Variants in TMEM232 observed in about 807,000 individuals in gnomAD.
TMEM232 encodes the protein transmembrane protein 232.
TMEM232 carries 80 observed loss-of-function variants against 78.8 expected under a neutral mutation model. The observed-to-expected ratio is 1.01, with a 90% CI of 0.85 to 1.22. The LOEUF is 1.22. Among genes scored for constraint, TMEM232 ranks in the 50% most tolerant of loss-of-function variants. The pLI, the probability that TMEM232 is intolerant of heterozygous loss-of-function variation, is 0.00. For synonymous variants in TMEM232, 297 were observed against 254.3 expected (o/e 1.17, Z -1.60); for missense variants, 881 against 742.2 (o/e 1.19, Z -2.17).
At chr5:110,645,189 A>G (rs572924032) in intron 2 of TMEM232, among the ~76,000 whole-genome samples, 8 of 151,848 alleles carry the variant, frequency 5.3e-5, no homozygotes, top group African/African-American at 1.4e-4. Context: ...AACTCTTGCA[A>G]AAAATACAAG....
At chr5:110,641,950 C>T (rs1268206312) in intron 3 of TMEM232, among the ~76,000 whole-genome samples, 1 of 152,020 alleles carries the variant, frequency 6.6e-6, no homozygotes, top group Non-Finnish European at 1.5e-5. Context: ...CCTTTTTCTC[C>T]TTTGAGACAC....
chr5:110,513,175 C>T (rs1768045430), intron 12 of TMEM232, among the ~76,000 whole-genome samples: 1 of 152,148 alleles, frequency 6.6e-6, no homozygotes, highest in Non-Finnish European at 1.5e-5. Flanking sequence ...TGCAGATAAA[C>T]TGAGTTATAT....
intron 2 of TMEM232, among the ~76,000 whole-genome samples, chr5:110,646,123 T>C (rs1183263247): frequency 6.6e-6 from 1 of 151,762 alleles, no homozygotes; most frequent in Non-Finnish European, 1.5e-5. Flanking sequence ...CCTGTGTTCA[T>C]GGATTGGAAA....
intron 12 of TMEM232, among the ~76,000 whole-genome samples, chr5:110,428,564 T>A (rs1393476402): frequency 6.6e-6 from 1 of 151,572 alleles, no homozygotes; most frequent in Non-Finnish European, 1.5e-5. Context: ...CAAATTGACC[T>A]AATCACATGA....
chr5:110,714,332 C>T (rs1245900758), intron 1 of TMEM232, among the ~76,000 whole-genome samples: 3 of 152,188 alleles, frequency 2.0e-5, no homozygotes, highest in South Asian at 2.1e-4. Context: ...GTGGTAACTA[C>T]ATATTTGCTT....
At chr5:110,638,085 A>T in intron 5 of TMEM232, 113 bp downstream of exon 5, 1 of 832,856 alleles carries the variant, frequency 1.2e-6, no homozygotes, top group Non-Finnish European at 1.7e-6. Flanking sequence ...ACCAAACAAA[A>T]GAATATTCTA....
At position 110,403,825 on chromosome 5, in the gene TMEM232, T is replaced by C. The variant is rs188584804; in HGVS notation, n.309-5971A>G. Among the ~76,000 whole-genome samples the C allele has an allele frequency of 3.4e-4, 52 of 151,882 alleles. No individual in the cohort carries two copies. The South Asian group carries it at 3.5e-3, about 10-fold the overall frequency. On this transcript the variant is annotated intron_variant and non_coding_transcript_variant, in intron 2 of 8. Transcript: ENST00000507188. ...ACCTGTAAATTGATTTTCAGTTGTG[T>C]GTGGGGTGGGGTGGGGAGCAATGTG...
intron 12 of TMEM232, among the ~76,000 whole-genome samples, chr5:110,444,893 T>C (rs1439122863): frequency 6.6e-6 from 1 of 152,132 alleles, no homozygotes; most frequent in East Asian, 1.9e-4. Flanking sequence ...CATTTTGTTA[T>C]CTTCTTTTTC....
At chr5:110,565,465 T>C (rs1776235694) in intron 11 of TMEM232, among the ~76,000 whole-genome samples, 1 of 151,960 alleles carries the variant, frequency 6.6e-6, no homozygotes, top group South Asian at 2.1e-4. Context: ...ATCACTCAGC[T>C]TTCCTGTCTC....
chr5:110,738,879 C>T, upstream of TMEM232: 1 of 979,132 alleles, frequency 1.0e-6, no homozygotes, highest in Non-Finnish European at 1.4e-6. Context: ...TCCCTAACGA[C>T]AACAAACTTT....
chr5:110,624,604 A>T (rs1394103319), intron 7 of TMEM232, among the ~76,000 whole-genome samples: 1 of 152,116 alleles, frequency 6.6e-6, no homozygotes, highest in Non-Finnish European at 1.5e-5. Flanking sequence ...GCTCATTAGT[A>T]ATTATAACCA....
intron 10 of TMEM232, among the ~76,000 whole-genome samples, chr5:110,571,804 G>C (rs924810965): frequency 4.6e-5 from 7 of 151,876 alleles, no homozygotes; most frequent in Admixed American, 4.6e-4. Flanking sequence ...GCTACAGTGA[G>C]CTATGGTTAA....
intron 11 of TMEM232, among the ~76,000 whole-genome samples, chr5:110,551,448 C>T (rs1300040608): frequency 2.0e-5 from 3 of 151,848 alleles, no homozygotes; most frequent in East Asian, 1.9e-4. Context: ...TGGTCTTGAA[C>T]TCCTGACCTC....
At chr5:110,733,839 C>CT (rs1204108100) in intron 2 of TMEM232, among the ~76,000 whole-genome samples, 16 of 152,232 alleles carry the variant, frequency 1.1e-4, no homozygotes, top group South Asian at 8.3e-4. Context: ...CTAAAATAAA[C>CT]TTTTTTAAAA....
chr5:110,542,150 G>C (rs1773214709), intron 11 of TMEM232, among the ~76,000 whole-genome samples: 1 of 152,108 alleles, frequency 6.6e-6, no homozygotes, highest in Non-Finnish European at 1.5e-5. Flanking sequence ...CGAAGTTCCT[G>C]TTTAGAAGAC....
intron 12 of TMEM232, among the ~76,000 whole-genome samples, chr5:110,471,106 G>T (rs980294417): frequency 2.6e-5 from 4 of 152,040 alleles, no homozygotes; most frequent in African/African-American, 9.6e-5. Flanking sequence ...AAATAAAAAA[G>T]TACAATAGAG....
Position 110,634,084 on chromosome 5 carries a change from G to A in TMEM232, c.501+4114C>T, listed in dbSNP as rs572016914. On this transcript the variant is annotated intron_variant, in intron 5 of 13. Coordinates refer to ENST00000455884, the MANE Select transcript of TMEM232 (RefSeq NM_001039763.4). The stretch of plus-strand genomic sequence containing the variant: ...ATAAAACAGACTTTAAGTCAAAAAA[G>A]GTTTTAAAAAAAGGCAAGAACATTA... 7.3e-5 allele frequency among the ~76,000 whole-genome samples: 11 copies of A among 151,542 alleles called. No homozygotes were observed. The South Asian group carries it at 2.3e-3, about 32-fold the overall frequency.
Position 110,681,326 on chromosome 5 carries a change from G to A in TMEM232, c.-12-13962C>T, listed in dbSNP as rs529737061. ...TGTATCTTCTATGGCAATTGCTTCC[G>A]GGAGGAGCAGGGCAGCAGGAAGGTG... On this transcript the variant is annotated intron_variant, in intron 1 of 13. Coordinates refer to ENST00000455884, the MANE Select transcript of TMEM232 (RefSeq NM_001039763.4). Among the ~76,000 whole-genome samples the A allele has an allele frequency of 5.3e-5, 8 of 152,258 alleles. No individual in the cohort carries two copies. In the East Asian group the frequency reaches 9.7e-4, roughly 18 times the overall value.
At chr5:110,697,879 C>T (rs1156386329) in intron 1 of TMEM232, among the ~76,000 whole-genome samples, 5 of 152,262 alleles carry the variant, frequency 3.3e-5, no homozygotes, top group South Asian at 2.1e-4. Context: ...GTCAGTGTGG[C>T]GATTCCTCAA....
Sources: gnomAD v4.1 joint callset for allele counts (sites outside exome capture counted in the v4.1 genomes callset) on GRCh38, gnomAD v4.1.1 for gene constraint, MANE v1.5 for transcripts, NCBI Gene and HGNC (gene_info 2026-07-23, HGNC 2026-07-21) for gene names.